Variants in ARNT2 observed in about 807,000 individuals in gnomAD.
ARNT2 encodes aryl hydrocarbon receptor nuclear translocator 2.
In ARNT2, 36 loss-of-function variants were observed where a neutral mutation model predicts 91.7. The ratio of observed to expected loss-of-function variants is 0.39; its 90% CI spans 0.30 to 0.52. The LOEUF (loss-of-function observed/expected upper bound fraction) is 0.52. Ranked by LOEUF, ARNT2 falls within the 20% of genes least tolerant of loss-of-function variation. ARNT2 has a pLI of 0.72. For synonymous variants in ARNT2, 365 were observed against 347.1 expected (o/e 1.05, Z -0.57); for missense variants, 775 against 939.3 (o/e 0.83, Z 2.29).
chr15:80,596,931 T>TAG lies in ARNT2; in HGVS notation c.*3234_*3235insGA. Reference sequence around the variant, plus strand: ...GTCCATGCGTCACTCCCCCCAGTTTTATTTTTAGCTTTGGCTTCAGGGAGT... The same window carrying TAG: ...GTCCATGCGTCACTCCCCCCAGTTTTAGATTTTTAGCTTTGGCTTCAGGGAGT... On this transcript the variant is annotated 3_prime_UTR_variant, in exon 19 of 19. Transcript: ENST00000303329. 2.8e-6 allele frequency: 1 copy of TAG among 356,420 alleles called. No homozygotes were observed. The highest frequency in any genetic ancestry group is 5.5e-6 in the Non-Finnish European group (1 of 180,992). 22.1% of individuals were successfully genotyped at this position (356,420 alleles called of 1,614,324 possible).
At position 80,591,830 on chromosome 15, in the gene ARNT2, C is replaced by T; in HGVS notation, c.2055+126C>T. On this transcript the variant is annotated intron_variant, in intron 18 of 18. Coordinates refer to ENST00000303329, the MANE Select transcript of ARNT2 (RefSeq NM_014862.4). The surrounding 1 kb of genome is among the most constrained non-coding windows in gnomAD (Gnocchi z 5.1). ...CGTGAGTTCTGGCCCAGCCTGGGCT[C>T]GAGGGAGTCCAGGAGTAGAAAGCCC... The T allele has an allele frequency of 6.9e-7, 1 of 1,452,966 alleles. No homozygotes were observed. The highest frequency in any genetic ancestry group is 9.2e-7 in the Non-Finnish European group (1 of 1,084,944). The allele number at this position is 1,452,966 out of a possible 1,614,324, so 90.0% of individuals were successfully genotyped here.
intron 5 of ARNT2, among the ~76,000 whole-genome samples, chr15:80,486,908 C>A (rs1896984210): frequency 6.6e-6 from 1 of 152,130 alleles, no homozygotes. Context: ...ACAGGTTGAG[C>A]CTTGCTGTAT....
intron 1 of ARNT2, chr15:80,443,067 G>A (rs962012365): frequency 1.0e-6 from 1 of 976,114 alleles, no homozygotes; most frequent in Non-Finnish European, 1.2e-6. Flanking sequence ...CCTGGACTGG[G>A]TAGGGGAGGG....
Position 80,587,509 on chromosome 15 carries a change from G to A in ARNT2, c.1919-4059G>A, listed in dbSNP as rs186473444. Reference sequence around the variant, plus strand: ...ACTTCAAGTGAGCCTTAAGTCTTAGGGCAATTTCCAAATCAGCTGAACCTC... The same window carrying A: ...ACTTCAAGTGAGCCTTAAGTCTTAGAGCAATTTCCAAATCAGCTGAACCTC... On this transcript the variant is annotated intron_variant, in intron 17 of 18. Coordinates refer to ENST00000303329, the MANE Select transcript of ARNT2 (RefSeq NM_014862.4). Among the ~76,000 whole-genome samples the A allele has an allele frequency of 1.5e-3, 229 of 152,224 alleles. 1 individual carries two copies. The highest frequency in any genetic ancestry group is 5.2e-3 in the African/African-American group (215 of 41,536).
chr15:80,505,924 G>GTTTTTTTTTTTTT lies in ARNT2; in HGVS notation c.623-2230_623-2229insTTTTTTTTTTTTT, dbSNP rs1486880107. On this transcript the variant is annotated intron_variant, in intron 5 of 18. Transcript: ENST00000303329. ...AAAGAAAAAATGATTCCCAACATTT[G>GTTTTTTTTTTTTT]TTGTTTTTTTTTTTTTTTTTTTTGA... 2.2e-4 allele frequency among the ~76,000 whole-genome samples: 16 copies of GTTTTTTTTTTTTT among 71,168 alleles called. 2 individuals are homozygous for GTTTTTTTTTTTTT. The highest frequency in any genetic ancestry group is 9.9e-4 in the African/African-American group (15 of 15,216). The allele number at this position is 71,168 out of a possible 152,430, so 46.7% of individuals were successfully genotyped here.
intron 2 of ARNT2, among the ~76,000 whole-genome samples, chr15:80,453,995 C>T (rs560963879): frequency 7.4e-4 from 113 of 152,282 alleles, no homozygotes; most frequent in African/African-American, 2.5e-3. Context: ...AGTTGGGATC[C>T]TCCAGGCCTC....
intron 5 of ARNT2, among the ~76,000 whole-genome samples, chr15:80,484,453 C>T (rs1311831185): frequency 6.6e-6 from 1 of 152,124 alleles, no homozygotes; most frequent in East Asian, 1.9e-4. Context: ...AGTGACTTTC[C>T]CACTAGAAAC....
Position 80,580,415 on chromosome 15 carries a change from T to G in ARNT2, c.1618T>G (p.Ser540Ala). ...ATGCATTTTCCTCTTTTCTAGCTCT[T>G]CAGTGGTTCATGTGCCTGGAGTGAA... ...SGHSGKAFSS[S>A]VVHVPGVNDI... The change falls in exon 16 of 19, where the codon TCA becomes GCA. Residue 540 changes from serine (S) to alanine (A), a missense_variant. Around this residue, in one of 5 missense-constraint regions of ARNT2, gnomAD observed 325 missense variants for 359.9 expected, o/e 0.90. Transcript: ENST00000303329. The G allele has an allele frequency of 6.2e-7, 1 of 1,614,148 alleles. No individual in the cohort carries two copies. Among genetic ancestry groups the G allele is most frequent in the African/African-American group, 1.3e-5 (1 of 75,050 alleles).
intron 8 of ARNT2, among the ~76,000 whole-genome samples, chr15:80,539,375 A>G (rs1897872197): frequency 6.6e-6 from 1 of 152,184 alleles, no homozygotes; most frequent in Non-Finnish European, 1.5e-5. Flanking sequence ...AAAACTATTG[A>G]CAAAATATAA....
chr15:80,535,027 G>A (rs1360585086), intron 8 of ARNT2, among the ~76,000 whole-genome samples: 1 of 152,160 alleles, frequency 6.6e-6, no homozygotes. Context: ...GCATCCTAAA[G>A]TACCATCTGA....
intron 5 of ARNT2, among the ~76,000 whole-genome samples, chr15:80,490,616 C>G (rs1897041716): frequency 6.6e-6 from 1 of 152,250 alleles, no homozygotes. Context: ...AGACCCCGCC[C>G]CACAGTCCCG....
rs148863613 is a variant in ARNT2, at chr15:80,568,245, CTGTT to C, written c.1316+5011_1316+5014del. Among the ~76,000 whole-genome samples the C allele has an allele frequency of 8.8e-3, 1,344 of 152,282 alleles. 22 individuals are homozygous for C. The highest frequency in any genetic ancestry group is 0.03 in the African/African-American group (1,249 of 41,564). On this transcript the variant is annotated intron_variant, in intron 12 of 18. Transcript: ENST00000303329. Reference sequence around the variant, plus strand: ...CTGGGGGGCCAAGACTCATTTGGGGCTGTTTGTTAGCTTGAGTCATTTCAGCGTT... The same window carrying C: ...CTGGGGGGCCAAGACTCATTTGGGGCTGTTAGCTTGAGTCATTTCAGCGTT...
intron 8 of ARNT2, among the ~76,000 whole-genome samples, chr15:80,521,979 G>A (rs186668242): frequency 6.6e-6 from 1 of 152,252 alleles, no homozygotes; most frequent in Admixed American, 6.5e-5. Flanking sequence ...CTGTCTTCTA[G>A]TAGACTGTAC....
intron 3 of ARNT2, among the ~76,000 whole-genome samples, chr15:80,459,463 C>A (rs1477244662): frequency 1.3e-5 from 2 of 152,136 alleles, no homozygotes; most frequent in African/African-American, 4.8e-5. Flanking sequence ...TATGAAGGAA[C>A]AATGACTTTG....
intron 2 of ARNT2, among the ~76,000 whole-genome samples, chr15:80,453,161 TG>T (rs1896427473): frequency 6.6e-6 from 1 of 152,192 alleles, no homozygotes; most frequent in African/African-American, 2.4e-5. Flanking sequence ...ATGTGGATCC[TG>T]AGCAGGCAGA....
chr15:80,449,020 C>A (rs1426940211), intron 1 of ARNT2, among the ~76,000 whole-genome samples: 1 of 151,044 alleles, frequency 6.6e-6, no homozygotes. Flanking sequence ...AAACAAAAAA[C>A]CAAAACTTGT....
intron 3 of ARNT2, among the ~76,000 whole-genome samples, chr15:80,462,629 G>A (rs920713798): frequency 6.6e-6 from 1 of 152,192 alleles, no homozygotes; most frequent in Non-Finnish European, 1.5e-5. Flanking sequence ...AGTGCTTGGA[G>A]CCTCCTAAGA....
chr15:80,530,386 G>C (rs1158975237), intron 8 of ARNT2, among the ~76,000 whole-genome samples: 2 of 152,078 alleles, frequency 1.3e-5, no homozygotes, highest in Admixed American at 1.3e-4. Context: ...GGGAGGGAGG[G>C]ATAGAGATCT....
At position 80,432,175 on chromosome 15, in the gene ARNT2, A is replaced by T. The variant is rs566980647; in HGVS notation, c.32-18705A>T. The stretch of plus-strand genomic sequence containing the variant: ...TGCTCCCTGGAGGGTGTGGACTTTG[A>T]TGAAATAGTGCACCCGCACCAGCCC... On this transcript the variant is annotated intron_variant, in intron 1 of 18. Transcript: ENST00000303329. Among the ~76,000 whole-genome samples the T allele has an allele frequency of 3.9e-5, 6 of 152,330 alleles. No homozygotes were observed. The South Asian group carries it at 1.0e-3, about 26-fold the overall frequency.
Sources: allele counts gnomAD v4.1 joint callset (sites outside exome capture counted in the v4.1 genomes callset), GRCh38; gene constraint gnomAD v4.1.1; regional missense constraint gnomAD v4.1.1; non-coding constraint Gnocchi (gnomAD v3.1); transcripts MANE v1.5; gene names NCBI Gene and HGNC (gene_info 2026-07-23, HGNC 2026-07-21).